The following NCALD variants were observed in gnomAD, a reference collection of about 807,000 sequenced individuals.
The protein encoded by NCALD is neurocalcin-delta.
Under a neutral mutation model 18.6 loss-of-function variants are expected in NCALD, and 10 were observed. The ratio of observed to expected loss-of-function variants is 0.54; its 90% CI spans 0.33 to 0.91. NCALD has a LOEUF of 0.91. Among genes scored for constraint, NCALD ranks in the 40% least tolerant of loss-of-function variants. NCALD has a pLI of 0.03. For missense variants in NCALD, 184 were observed against 247.6 expected (o/e 0.74, Z 1.72); for synonymous variants, 88 against 87.4 (o/e 1.01, Z -0.04).
intron 1 of NCALD, among the ~76,000 whole-genome samples, chr8:101,751,320 T>G: frequency 6.6e-6 from 1 of 152,098 alleles, no homozygotes. Flanking sequence ...AGAACACAGG[T>G]TACCAGGGAC....
At chr8:101,812,959 A>G (rs1001817526) in intron 4 of NCALD, among the ~76,000 whole-genome samples, 11 of 152,158 alleles carry the variant, frequency 7.2e-5, no homozygotes, top group African/African-American at 2.7e-4. Flanking sequence ...TGACTCCTGA[A>G]AATGGAAAAA....
At chr8:102,068,416 G>A (rs1402313948) in intron 1 of NCALD, among the ~76,000 whole-genome samples, 4 of 152,282 alleles carry the variant, frequency 2.6e-5, no homozygotes, top group South Asian at 4.1e-4. Context: ...CGTAGGCCAC[G>A]CTCTATCCCA....
intron 1 of NCALD, among the ~76,000 whole-genome samples, chr8:101,720,340 T>A (rs1816293504): frequency 6.6e-6 from 1 of 152,188 alleles, no homozygotes; most frequent in Non-Finnish European, 1.5e-5. Context: ...ATAGGTCAAA[T>A]GTTTCTCTTT....
At chr8:101,752,347 G>A (rs1212446462) in intron 1 of NCALD, among the ~76,000 whole-genome samples, 1 of 152,144 alleles carries the variant, frequency 6.6e-6, no homozygotes, top group African/African-American at 2.4e-5. Context: ...ATAATTTGTT[G>A]AGGAACATCT....
chr8:101,994,540 G>A (rs1821165862), intron 2 of NCALD, among the ~76,000 whole-genome samples: 1 of 152,190 alleles, frequency 6.6e-6, no homozygotes, highest in African/African-American at 2.4e-5. Context: ...TCTCCTGTCT[G>A]TGAGCCACAC....
intron 2 of NCALD, among the ~76,000 whole-genome samples, chr8:102,012,554 C>T (rs779332085): frequency 5.3e-5 from 8 of 152,330 alleles, no homozygotes; most frequent in Middle Eastern, 3.4e-3. Context: ...TCCTCTAGTG[C>T]GGGGAGTAGC....
At chr8:101,829,317 A>G (rs1814073959) in intron 4 of NCALD, among the ~76,000 whole-genome samples, 1 of 152,228 alleles carries the variant, frequency 6.6e-6, no homozygotes, top group Admixed American at 6.5e-5. Flanking sequence ...AATAACTTAC[A>G]AGGAACTTAC....
rs537828311 is a variant in NCALD at position 101,958,580 on chromosome 8, G to A, written c.-156-42722C>T. Among the ~76,000 whole-genome samples the A allele has an allele frequency of 1.2e-4, 19 of 152,224 alleles. 1 individual carries two copies. In the South Asian group the frequency reaches 3.5e-3, roughly 28 times the overall value. On this transcript the variant is annotated intron_variant, in intron 2 of 6. Transcript: ENST00000311028. The stretch of plus-strand genomic sequence containing the variant: ...GATGTTGACTGTTTGCCATATGCCA[G>A]AACCTGTTCTAGGGTCTTTGTGTGA...
intron 4 of NCALD, among the ~76,000 whole-genome samples, chr8:101,808,365 A>G (rs187520013): frequency 2.0e-5 from 3 of 152,284 alleles, no homozygotes; most frequent in African/African-American, 7.2e-5. Context: ...AAACTTTACT[A>G]TAAGATTTAA....
chr8:102,097,956 G>A (rs955028340), intron 1 of NCALD, among the ~76,000 whole-genome samples: 6 of 152,230 alleles, frequency 3.9e-5, no homozygotes, highest in Non-Finnish European at 8.8e-5. Context: ...TGAATCGACA[G>A]TTTCAGAAGA....
chr8:101,893,348 G>A (rs1218895689), intron 3 of NCALD, among the ~76,000 whole-genome samples: 1 of 150,816 alleles, frequency 6.6e-6, no homozygotes, highest in Non-Finnish European at 1.5e-5. Context: ...TGACCTAAAA[G>A]AGCTCCTGAA....
chr8:101,832,205 C>T lies in NCALD; in HGVS notation c.-20+54936G>A, dbSNP rs139586603. On this transcript the variant is annotated intron_variant, in intron 4 of 6. Transcript: ENST00000311028. ...CCTGTCACAAAGGAATGCAAATCTT[C>T]CTTTCTCTGTCTCCACCCGGGGAAA... Among the ~76,000 whole-genome samples the T allele has an allele frequency of 6.6e-3, 1,012 of 152,236 alleles. 6 individuals carry two copies. The highest frequency in any genetic ancestry group is 0.029 in the South Asian group (138 of 4,816).
At chr8:101,895,626 GC>G (rs1817132875) in intron 3 of NCALD, among the ~76,000 whole-genome samples, 1 of 147,954 alleles carries the variant, frequency 6.8e-6, no homozygotes, top group Non-Finnish European at 1.5e-5. Flanking sequence ...CACTGTCTCA[GC>G]CCAAAATCTC....
At chr8:102,030,392 A>G (rs989144262) in intron 1 of NCALD, among the ~76,000 whole-genome samples, 4 of 152,254 alleles carry the variant, frequency 2.6e-5, no homozygotes, top group African/African-American at 9.6e-5. Context: ...TCAAAGATGT[A>G]ATAATTTGAG....
At chr8:101,825,697 T>A (rs1481813653) in intron 4 of NCALD, among the ~76,000 whole-genome samples, 1 of 152,218 alleles carries the variant, frequency 6.6e-6, no homozygotes, top group Non-Finnish European at 1.5e-5. Context: ...ATAATCAGAC[T>A]CTGAGTTCCC....
chr8:101,833,453 C>T (rs904858535), intron 4 of NCALD, among the ~76,000 whole-genome samples: 2 of 152,146 alleles, frequency 1.3e-5, no homozygotes, highest in African/African-American at 4.8e-5. Flanking sequence ...TTTGAAGTCT[C>T]GTAACAATAA....
At chr8:102,061,712 C>T (rs927740515) in intron 1 of NCALD, among the ~76,000 whole-genome samples, 1 of 152,160 alleles carries the variant, frequency 6.6e-6, no homozygotes, top group East Asian at 1.9e-4. Flanking sequence ...ATTCCCTTCC[C>T]AGGACTGTGT....
At chr8:102,066,489 G>A (rs1173295062) in intron 1 of NCALD, among the ~76,000 whole-genome samples, 6 of 152,302 alleles carry the variant, frequency 3.9e-5, no homozygotes, top group East Asian at 3.9e-4. Context: ...GACAATACAC[G>A]AAGAACAAGA....
chr8:101,728,078 C>A (rs1209856342), intron 1 of NCALD, among the ~76,000 whole-genome samples: 2 of 152,078 alleles, frequency 1.3e-5, no homozygotes, highest in Admixed American at 6.5e-5. Flanking sequence ...AGAGAAGACA[C>A]CAAATCACCA....
Sources: allele counts gnomAD v4.1 joint callset (sites outside exome capture counted in the v4.1 genomes callset), GRCh38; gene constraint gnomAD v4.1.1; transcripts MANE v1.5; gene names NCBI Gene and HGNC (gene_info 2026-07-23, HGNC 2026-07-21).